The following NRG3 variants were observed in gnomAD, a reference collection of about 807,000 sequenced individuals.
NRG3 encodes the protein pro-neuregulin-3, membrane-bound isoform.
A neutral mutation model predicts 66.9 loss-of-function variants in NRG3; 31 were observed. The observed-to-expected ratio is 0.46, with a 90% CI of 0.35 to 0.63. The LOEUF is 0.63. Among genes scored for constraint, NRG3 ranks in the 20% least tolerant of loss-of-function variants. The probability of loss-of-function intolerance (pLI) is 0.00; values close to 1 mark genes in which losing one functional copy is unlikely to be tolerated. For missense variants in NRG3, 910 were observed against 878.9 expected, an observed-to-expected ratio of 1.04 and a Z score of -0.45; for synonymous variants, 393 against 359.4, an observed-to-expected ratio of 1.09 and a Z score of -1.06.
intron 2 of NRG3, among the ~76,000 whole-genome samples, chr10:82,409,510 A>T (rs1393606054): frequency 6.6e-6 from 1 of 152,128 alleles, no homozygotes; most frequent in Non-Finnish European, 1.5e-5. Context: ...AAATATTAAT[A>T]GTAGTCAACA....
At chr10:82,075,010 C>T (rs1448154258) in intron 1 of NRG3, among the ~76,000 whole-genome samples, 4 of 152,116 alleles carry the variant, frequency 2.6e-5, no homozygotes, top group South Asian at 2.1e-4. Flanking sequence ...TCATACTTGG[C>T]GTAGAGTTGG....
chr10:82,420,197 T>A (rs1399884913), intron 2 of NRG3, among the ~76,000 whole-genome samples: 1 of 152,122 alleles, frequency 6.6e-6, no homozygotes, highest in African/African-American at 2.4e-5. Flanking sequence ...CAATTAGCCA[T>A]TGTGTCCTGG....
intron 4 of NRG3, among the ~76,000 whole-genome samples, chr10:82,925,437 T>G (rs1846887199): frequency 6.6e-6 from 1 of 152,248 alleles, no homozygotes; most frequent in African/African-American, 2.4e-5. Flanking sequence ...TTGAAAGGAC[T>G]AAATGACTTT....
chr10:82,667,723 C>T lies in NRG3; in HGVS notation c.954-70854C>T, dbSNP rs574718206. On this transcript the variant is annotated intron_variant, in intron 2 of 8. Transcript: ENST00000372141. ...AATCCTCTTGTGTGTGTGCTCCCAA[C>T]AGTTACTTGGACCTTGGGAAGCCAG... Among the ~76,000 whole-genome samples the T allele has an allele frequency of 6.6e-5, 10 of 152,280 alleles. No homozygotes were observed. In the South Asian group the frequency reaches 1.7e-3, roughly 25 times the overall value.
At chr10:82,486,272 C>G (rs1371543636) in intron 2 of NRG3, among the ~76,000 whole-genome samples, 4 of 152,110 alleles carry the variant, frequency 2.6e-5, no homozygotes, top group Non-Finnish European at 4.4e-5. Flanking sequence ...AACTGAAAAT[C>G]AAAATAATTG....
At chr10:82,570,595 A>G (rs961264253) in intron 2 of NRG3, among the ~76,000 whole-genome samples, 2 of 151,582 alleles carry the variant, frequency 1.3e-5, no homozygotes, top group Non-Finnish European at 3.0e-5. Flanking sequence ...GGTGCAATAA[A>G]GGCACAAAAA....
At chr10:82,656,002 C>T (rs984764157) in intron 2 of NRG3, among the ~76,000 whole-genome samples, 1 of 152,134 alleles carries the variant, frequency 6.6e-6, no homozygotes, top group African/African-American at 2.4e-5. Flanking sequence ...AAGGGACTCT[C>T]ATAGAGTTCC....
At chr10:82,666,836 C>T (rs2052827334) in intron 2 of NRG3, among the ~76,000 whole-genome samples, 1 of 152,134 alleles carries the variant, frequency 6.6e-6, no homozygotes, top group East Asian at 1.9e-4. Context: ...GTATTCCAGC[C>T]ATGTGTTTAT....
chr10:82,617,753 G>A (rs1267758955), intron 2 of NRG3, among the ~76,000 whole-genome samples: 1 of 152,114 alleles, frequency 6.6e-6, no homozygotes, highest in Non-Finnish European at 1.5e-5. Context: ...ACGGCCAGTT[G>A]GCATGGAAAT....
chr10:81,937,998 G>A (rs1010259732), intron 1 of NRG3, among the ~76,000 whole-genome samples: 1 of 152,118 alleles, frequency 6.6e-6, no homozygotes, highest in African/African-American at 2.4e-5. Flanking sequence ...TGAAGAGACA[G>A]TCCTTTCCCT....
intron 2 of NRG3, among the ~76,000 whole-genome samples, chr10:82,699,607 A>G (rs2055690153): frequency 6.6e-6 from 1 of 152,062 alleles, no homozygotes; most frequent in Admixed American, 6.6e-5. Context: ...ATAGCAAATC[A>G]TGTCGATCTC....
intron 1 of NRG3, among the ~76,000 whole-genome samples, chr10:82,199,000 A>G (rs2074611499): frequency 6.7e-6 from 1 of 150,028 alleles, no homozygotes; most frequent in Admixed American, 6.6e-5. Context: ...CCATCTAAAA[A>G]AAAAAAAAAA....
At chr10:81,908,983 A>T (rs574863567) in intron 1 of NRG3, among the ~76,000 whole-genome samples, 1 of 152,278 alleles carries the variant, frequency 6.6e-6, no homozygotes, top group African/African-American at 2.4e-5. Flanking sequence ...AAGTAGCACA[A>T]ACCAGGTGGC....
chr10:82,380,861 A>G (rs779297038), intron 2 of NRG3, among the ~76,000 whole-genome samples: 1 of 152,156 alleles, frequency 6.6e-6, no homozygotes, highest in African/African-American at 2.4e-5. Context: ...TTCCTAGAAT[A>G]AATTTTGTAA....
chr10:82,614,584 AAC>A (rs1409405031), intron 2 of NRG3, among the ~76,000 whole-genome samples: 1 of 152,190 alleles, frequency 6.6e-6, no homozygotes, highest in Non-Finnish European at 1.5e-5. Context: ...TGATTTTTTT[AAC>A]AGTCAAGGAA....
chr10:82,301,443 G>A (rs74529083), intron 1 of NRG3, among the ~76,000 whole-genome samples: 4,131 of 152,098 alleles, frequency 0.027, 73 homozygotes, highest in African/African-American at 0.055. Context: ...ACAGCAATAG[G>A]AAGGAACAAG....
intron 1 of NRG3, among the ~76,000 whole-genome samples, chr10:82,313,764 T>C (rs1589688042): frequency 1.3e-5 from 2 of 152,198 alleles, no homozygotes; most frequent in East Asian, 3.8e-4. Context: ...TTTGTAGAGC[T>C]GACTCCACAT....
At chr10:82,135,262 G>T (rs933112173) in intron 1 of NRG3, among the ~76,000 whole-genome samples, 4 of 151,868 alleles carry the variant, frequency 2.6e-5, no homozygotes, top group Non-Finnish European at 4.4e-5. Flanking sequence ...GCTGCTTTTA[G>T]GATCCTTTTT....
At chr10:82,982,609 A>C (rs546641293) in intron 8 of NRG3, among the ~76,000 whole-genome samples, 1 of 152,184 alleles carries the variant, frequency 6.6e-6, no homozygotes, top group Non-Finnish European at 1.5e-5. Flanking sequence ...CAGGGCAGAG[A>C]CATTATTTCA....
Sources: allele counts gnomAD v4.1 joint callset (sites outside exome capture counted in the v4.1 genomes callset), GRCh38; gene constraint gnomAD v4.1.1; transcripts MANE v1.5; gene names NCBI Gene and HGNC (gene_info 2026-07-23, HGNC 2026-07-21).